The following G3BP2 variants were observed in gnomAD, a reference collection of about 807,000 sequenced individuals.
G3BP2 encodes the protein ras GTPase-activating protein-binding protein 2.
G3BP2 carries 11 observed loss-of-function variants against 56.7 expected under a neutral mutation model. That is an observed-to-expected ratio of 0.19 (90% CI 0.12 to 0.32). The LOEUF (loss-of-function observed/expected upper bound fraction) is 0.32, where lower values mean the gene tolerates loss of function less well. G3BP2 is among the 10% of genes least tolerant of loss of function. The pLI is 1.00. For synonymous variants in G3BP2, 165 were observed against 191.6 expected (o/e 0.86, Z 1.15); for missense variants, 340 against 610.9 (o/e 0.56, Z 4.67).
At chr4:75,683,117 A>AC (rs1038354138) in intron 3 of G3BP2, among the ~76,000 whole-genome samples, 30 of 152,172 alleles carry the variant, frequency 2.0e-4, no homozygotes, top group African/African-American at 7.2e-4. Context: ...CTCATTTTCC[A>AC]CCCACACATT....
intron 3 of G3BP2, among the ~76,000 whole-genome samples, chr4:75,687,078 A>C (rs1251478810): frequency 2.6e-5 from 4 of 152,094 alleles, no homozygotes; most frequent in African/African-American, 7.2e-5. Flanking sequence ...ACATGCATAC[A>C]TACATACCTA....
At chr4:75,707,031 A>G (rs1001239321) in intron 3 of G3BP2, among the ~76,000 whole-genome samples, 37 of 152,010 alleles carry the variant, frequency 2.4e-4, no homozygotes, top group Admixed American at 1.3e-3. Flanking sequence ...TGTCTCTACT[A>G]AAAATACAAA....
At chr4:75,697,273 CAAAAAAAAAAAAAAAA>C (rs869037819) in intron 3 of G3BP2, among the ~76,000 whole-genome samples, 1 of 28,832 alleles carries the variant, frequency 3.5e-5, no homozygotes, top group African/African-American at 1.4e-4. Flanking sequence ...GACTCTGTCT[CAAAAAAAAAAAAAAAA>C]AAAAAAAAAA....
intron 2 of G3BP2, among the ~76,000 whole-genome samples, chr4:75,661,104 T>C (rs1732514541): frequency 6.6e-6 from 1 of 152,198 alleles, no homozygotes; most frequent in South Asian, 2.1e-4. Flanking sequence ...TCAAATTGCA[T>C]ATTGGAACCC....
At chr4:75,673,012 C>T in intron 1 of G3BP2, 196 bp downstream of exon 1, 3 of 988,518 alleles carry the variant, frequency 3.0e-6, no homozygotes, top group Non-Finnish European at 3.6e-6. Flanking sequence ...GGCCTCCCAC[C>T]CCTCACCTAG....
intron 1 of G3BP2, among the ~76,000 whole-genome samples, chr4:75,664,621 G>C (rs948429241): frequency 6.6e-6 from 1 of 151,900 alleles, no homozygotes; most frequent in African/African-American, 2.4e-5. Flanking sequence ...GTTGAGCTGG[G>C]AGGATCATTT....
chr4:75,674,714 ATATATTTTT>A (rs1237043252), upstream of G3BP2, among the ~76,000 whole-genome samples: 8 of 54,820 alleles, frequency 1.5e-4, 1 homozygote, highest in African/African-American at 1.3e-4. Flanking sequence ...ATATATATAT[ATATATTTTT>A]TTTTTTTTTT....
At chr4:75,655,673 TA>T in intron 6 of G3BP2, 94 bp downstream of exon 6, 1 of 706,084 alleles carries the variant, frequency 1.4e-6, no homozygotes, top group Non-Finnish European at 2.5e-6. Flanking sequence ...TAGGTGGTTT[TA>T]TCAAGAATTT....
intron 3 of G3BP2, among the ~76,000 whole-genome samples, chr4:75,705,403 A>G (rs1226736083): frequency 1.3e-5 from 2 of 152,280 alleles, no homozygotes; most frequent in Non-Finnish European, 2.9e-5. Context: ...ATTATAGACC[A>G]GAGCCATATT....
chr4:75,661,883 CA>C (rs757660904), intron 2 of G3BP2, 47 bp downstream of exon 2: 2 of 947,846 alleles, frequency 2.1e-6, no homozygotes, highest in Non-Finnish European at 3.5e-6. Flanking sequence ...TAGTCATACC[CA>C]AGAAAAAAAG....
chr4:75,661,646 G>GGTCGCCGT, intron 2 of G3BP2: 1 of 217,450 alleles, frequency 4.6e-6, no homozygotes, highest in South Asian at 7.3e-5. Context: ...TGACAGAGGA[G>GGTCGCCGT]ACCATGACTC....
intron 3 of G3BP2, among the ~76,000 whole-genome samples, chr4:75,703,616 G>C (rs549993192): frequency 7.9e-5 from 12 of 152,128 alleles, no homozygotes; most frequent in Non-Finnish European, 1.5e-4. Context: ...CCCTCAGCTG[G>C]GGATACAAGA....
intron 1 of G3BP2, chr4:75,672,831 G>C (rs55745971): frequency 0.035 from 6,252 of 178,344 alleles, 182 homozygotes; most frequent in Non-Finnish European, 0.052. Context: ...ATCCCCTCCA[G>C]AAAGCCTGCT....
upstream of G3BP2, among the ~76,000 whole-genome samples, chr4:75,676,777 A>G (rs1179475232): frequency 6.6e-6 from 1 of 152,218 alleles, no homozygotes; most frequent in African/African-American, 2.4e-5. Flanking sequence ...CACAGCAGCC[A>G]GATCTTTCAT....
At chr4:75,677,699 C>G (rs947407565), upstream of G3BP2, among the ~76,000 whole-genome samples, 3 of 152,152 alleles carry the variant, frequency 2.0e-5, no homozygotes, top group Admixed American at 1.3e-4. Context: ...AAGGGAAACG[C>G]ATTTTTCTTG....
intron 2 of G3BP2, among the ~76,000 whole-genome samples, chr4:75,721,250 C>CTT (rs568380952): frequency 1.3e-3 from 177 of 134,290 alleles, no homozygotes; most frequent in South Asian, 9.6e-3. Flanking sequence ...CTCAACTAGT[C>CTT]TTTTTTTTTT....
chr4:75,675,397 C>G (rs1733835879), upstream of G3BP2, among the ~76,000 whole-genome samples: 1 of 152,160 alleles, frequency 6.6e-6, no homozygotes, highest in Non-Finnish European at 1.5e-5. Context: ...TAGTTGGGCC[C>G]CACTCCCTAA....
At chr4:75,656,854 C>A in intron 5 of G3BP2, 70 bp downstream of exon 5, 2 of 732,846 alleles carry the variant, frequency 2.7e-6, no homozygotes, top group East Asian at 2.8e-5. Context: ...AGATGTCATA[C>A]TTATAGAAAT....
intron 3 of G3BP2, among the ~76,000 whole-genome samples, chr4:75,707,476 G>T (rs1256467610): frequency 2.0e-5 from 3 of 151,996 alleles, no homozygotes; most frequent in African/African-American, 7.2e-5. Flanking sequence ...GGGCATGGTG[G>T]CGGGAGCCTG....
Sources: gnomAD v4.1 joint callset for allele counts (sites outside exome capture counted in the v4.1 genomes callset) on GRCh38, gnomAD v4.1.1 for gene constraint, MANE v1.5 for transcripts, NCBI Gene and HGNC (gene_info 2026-07-23, HGNC 2026-07-21) for gene names.